The following KSR2 variants were observed in gnomAD, a reference collection of about 807,000 sequenced individuals.
KSR2 encodes the protein kinase suppressor of ras 2.
KSR2 carries 25 observed loss-of-function variants against 107.8 expected under a neutral mutation model. The observed-to-expected ratio is 0.23, with a 90% CI of 0.17 to 0.32. The LOEUF (loss-of-function observed/expected upper bound fraction) is 0.32. Among genes scored for constraint, KSR2 ranks in the 10% least tolerant of loss-of-function variants. KSR2 has a pLI of 1.00. For missense variants in KSR2, 887 were observed against 1,268.9 expected (o/e 0.70, Z 4.57); for synonymous variants, 480 against 507.0 (o/e 0.95, Z 0.71).
At chr12:117,816,217 T>C (rs960016506) in intron 3 of KSR2, among the ~76,000 whole-genome samples, 1 of 152,084 alleles carries the variant, frequency 6.6e-6, no homozygotes, top group African/African-American at 2.4e-5. Context: ...CCAGGTTCTG[T>C]TGGATCACAC....
chr12:117,494,160 A>T (rs562455959), intron 14 of KSR2, among the ~76,000 whole-genome samples: 3 of 152,248 alleles, frequency 2.0e-5, no homozygotes, highest in Admixed American at 6.5e-5. Context: ...CCAGTATTCC[A>T]GGGAGTGAGA....
At chr12:117,826,022 GAGGGATGGATGGATGGATGGATGA>G (rs1891735973) in intron 3 of KSR2, among the ~76,000 whole-genome samples, 2 of 127,882 alleles carry the variant, frequency 1.6e-5, no homozygotes, top group South Asian at 4.5e-4. Context: ...TGGATGCATG[GAGGGATGGATGGATGGATGGATGA>G]ATGGATGGAT....
intron 16 of KSR2, among the ~76,000 whole-genome samples, chr12:117,481,666 T>C (rs1383605009): frequency 6.6e-6 from 1 of 152,228 alleles, no homozygotes; most frequent in Admixed American, 6.5e-5. Context: ...TCCCTAATTA[T>C]TTGCTGACTG....
At chr12:117,470,168 C>CACT (rs1566120506) in intron 18 of KSR2, among the ~76,000 whole-genome samples, 1 of 145,334 alleles carries the variant, frequency 6.9e-6, no homozygotes, top group Non-Finnish European at 1.5e-5. Flanking sequence ...TATGTCAATT[C>CACT]ACTCATTCAT....
At chr12:117,733,704 G>C (rs1887821482) in intron 4 of KSR2, among the ~76,000 whole-genome samples, 1 of 152,028 alleles carries the variant, frequency 6.6e-6, no homozygotes, top group Admixed American at 6.6e-5. Flanking sequence ...AATGTTTTAG[G>C]TGCCCGAATC....
chr12:117,609,875 T>A (rs976983176), intron 5 of KSR2, among the ~76,000 whole-genome samples: 2 of 151,966 alleles, frequency 1.3e-5, no homozygotes, highest in African/African-American at 4.8e-5. Flanking sequence ...ACACTAGGAG[T>A]GGAAAATCAC....
At chr12:117,533,364 G>C (rs1555213325) in intron 10 of KSR2, among the ~76,000 whole-genome samples, 1 of 152,216 alleles carries the variant, frequency 6.6e-6, no homozygotes, top group Non-Finnish European at 1.5e-5. Flanking sequence ...GCACCAGTCA[G>C]TGTGCAACAC....
chr12:117,519,555 G>A (rs1874604743), intron 14 of KSR2, among the ~76,000 whole-genome samples: 1 of 152,130 alleles, frequency 6.6e-6, no homozygotes, highest in Non-Finnish European at 1.5e-5. Flanking sequence ...ATAATTTGGG[G>A]AGTGGGGAAG....
At chr12:117,471,164 C>A in intron 18 of KSR2, 27 bp downstream of exon 18, 1 of 1,611,492 alleles carries the variant, frequency 6.2e-7, no homozygotes, top group South Asian at 1.1e-5. Flanking sequence ...CCTCATCCCC[C>A]AAGTCTGGAC....
chr12:117,833,575 C>T (rs541550530), intron 3 of KSR2, among the ~76,000 whole-genome samples: 1 of 152,252 alleles, frequency 6.6e-6, no homozygotes, highest in East Asian at 1.9e-4. Context: ...GTTGCCCAGG[C>T]TAGTCTTGAA....
At position 117,454,711 on chromosome 12, in the gene KSR2, A is replaced by G. The variant is rs1870510311; in HGVS notation, c.*12488T>C. On this transcript the variant is annotated 3_prime_UTR_variant, in exon 20 of 20. Transcript: ENST00000339824. ...ACGTTCACACATGTCCTTGACCTCAACACTTCAGGGGCCTATTCATAGAGT... is the reference window on the plus strand; with the variant it reads ...ACGTTCACACATGTCCTTGACCTCAGCACTTCAGGGGCCTATTCATAGAGT... 6.6e-6 allele frequency: 1 copy of G among 152,170 alleles called. No homozygotes were observed. Among genetic ancestry groups the G allele is most frequent in the Non-Finnish European group, 1.5e-5 (1 of 68,044 alleles). 9.4% of individuals were successfully genotyped at this position (152,170 alleles called of 1,614,324 possible).
intron 3 of KSR2, among the ~76,000 whole-genome samples, chr12:117,816,344 T>C (rs780468919): frequency 6.6e-5 from 10 of 152,090 alleles, no homozygotes; most frequent in Non-Finnish European, 1.2e-4. Flanking sequence ...GCCATGTGAA[T>C]GGGTGAGCTT....
At chr12:117,914,980 A>C (rs1171973722) in intron 1 of KSR2, among the ~76,000 whole-genome samples, 1 of 152,250 alleles carries the variant, frequency 6.6e-6, no homozygotes, top group Non-Finnish European at 1.5e-5. Context: ...TAGGTACTTA[A>C]GATCTCAGCT....
chr12:117,467,260 G>C, intron 19 of KSR2, 55 bp from the exon 20 acceptor site: 1 of 679,996 alleles, frequency 1.5e-6, no homozygotes, highest in Non-Finnish European at 2.7e-6. Flanking sequence ...ACATGATGAT[G>C]TCATCCGTTG....
chr12:117,829,614 C>T lies in KSR2; in HGVS notation c.472+25814G>A, dbSNP rs546769690. On this transcript the variant is annotated intron_variant, in intron 3 of 19. Transcript: ENST00000339824. ...GAAACTGATGAAAAACAACAGAGGGCTACAGTCAAGGCCTAGGACAGAGGT... is the reference window on the plus strand; with the variant it reads ...GAAACTGATGAAAAACAACAGAGGGTTACAGTCAAGGCCTAGGACAGAGGT... Among the ~76,000 whole-genome samples the T allele has an allele frequency of 4.6e-5, 7 of 152,306 alleles. No homozygotes were observed. In the South Asian group the frequency reaches 1.5e-3, roughly 32 times the overall value.
intron 10 of KSR2, among the ~76,000 whole-genome samples, chr12:117,533,579 A>T (rs1456610734): frequency 6.6e-6 from 1 of 152,236 alleles, no homozygotes; most frequent in African/African-American, 2.4e-5. Flanking sequence ...GGACTGTTTT[A>T]CTATTAGATA....
intron 3 of KSR2, among the ~76,000 whole-genome samples, chr12:117,807,038 C>T (rs1593257172): frequency 2.0e-5 from 3 of 152,324 alleles, no homozygotes; most frequent in Admixed American, 2.0e-4. Flanking sequence ...CTCAGCCCCG[C>T]TCAGCGTCAG....
chr12:117,868,416 CTG>C (rs1373145983), intron 1 of KSR2, among the ~76,000 whole-genome samples: 6 of 148,924 alleles, frequency 4.0e-5, no homozygotes, highest in Admixed American at 1.4e-4. Context: ...CAGCAAGACT[CTG>C]TCTCAAAAAA....
chr12:117,848,850 A>AGTGGTGGTGGTGGGTGG (rs1555249552), intron 3 of KSR2, among the ~76,000 whole-genome samples: 1 of 87,044 alleles, frequency 1.1e-5, no homozygotes, highest in Non-Finnish European at 3.0e-5. Flanking sequence ...GGTGATGGTG[A>AGTGGTGGTGGTGGGTGG]TGATGGTGAT....
Sources: allele counts gnomAD v4.1 joint callset (sites outside exome capture counted in the v4.1 genomes callset), GRCh38; gene constraint gnomAD v4.1.1; transcripts MANE v1.5; gene names NCBI Gene and HGNC (gene_info 2026-07-23, HGNC 2026-07-21).